Variants in SH3BP5 observed in about 807,000 individuals in gnomAD.
The protein encoded by SH3BP5 is SH3 domain binding protein 5, also known as SH3 domain-binding protein 5.
A neutral mutation model predicts 43.3 loss-of-function variants in SH3BP5; 22 were observed. That is an observed-to-expected ratio of 0.51 (90% CI 0.36 to 0.73). SH3BP5 has a LOEUF of 0.73. Among genes scored for constraint, SH3BP5 ranks in the 30% least tolerant of loss-of-function variants. SH3BP5 has a pLI of 0.00. For synonymous variants in SH3BP5, 255 were observed against 225.8 expected (o/e 1.13, Z -1.16); for missense variants, 529 against 586.9 (o/e 0.90, Z 1.02).
In SH3BP5 at chr3:15,256,834, T is replaced by C; in HGVS notation, c.1150+19A>G. On this transcript the variant is annotated intron_variant, in intron 8 of 8. Coordinates refer to ENST00000383791, the MANE Select transcript of SH3BP5 (RefSeq NM_004844.5). ...AGGCAGTGTGGCATCTGGGACGGGG[T>C]GAGAAGGCTGCTACTCACCTCGTTC... 6.3e-7 allele frequency: 1 copy of C among 1,591,066 alleles called. No individual in the cohort carries two copies. Among genetic ancestry groups the C allele is most frequent in the Non-Finnish European group, 8.6e-7 (1 of 1,164,772 alleles).
At chr3:15,281,896 C>T (rs1033598951) in intron 3 of SH3BP5, among the ~76,000 whole-genome samples, 1 of 152,074 alleles carries the variant, frequency 6.6e-6, no homozygotes, top group African/African-American at 2.4e-5. Context: ...CCCAGCTACT[C>T]AGGAGGCTGA....
chr3:15,256,376 T>G (rs890241761), intron 8 of SH3BP5, 73 bp from the exon 9 acceptor site: 2 of 1,471,468 alleles, frequency 1.4e-6, no homozygotes, highest in Admixed American at 1.8e-5. Flanking sequence ...ATACAAAGAT[T>G]ATCAAAAGTG....
intron 1 of SH3BP5, 101 bp from the exon 2 acceptor site, chr3:15,330,667 C>A: frequency 7.2e-7 from 1 of 1,392,164 alleles, no homozygotes; most frequent in Non-Finnish European, 9.4e-7. Flanking sequence ...GCCCAATTTG[C>A]AGGAAAAGGG....
At chr3:15,298,039 C>T (rs1407338871) in intron 3 of SH3BP5, among the ~76,000 whole-genome samples, 1 of 149,526 alleles carries the variant, frequency 6.7e-6, no homozygotes, top group African/African-American at 2.5e-5. Flanking sequence ...TGCAGTAGCA[C>T]AATCATAACT....
chr3:15,263,242 C>T (rs1001691195), intron 4 of SH3BP5, among the ~76,000 whole-genome samples: 12 of 152,184 alleles, frequency 7.9e-5, no homozygotes, highest in African/African-American at 1.4e-4. Context: ...GACCTCCTCC[C>T]GTTCACACCT....
At chr3:15,294,734 CA>C (rs1443816736) in intron 3 of SH3BP5, among the ~76,000 whole-genome samples, 1 of 152,104 alleles carries the variant, frequency 6.6e-6, no homozygotes, top group Admixed American at 6.5e-5. Context: ...ATGGAGCTGC[CA>C]TTAATGTAAG....
chr3:15,285,670 G>A (rs753370604), intron 3 of SH3BP5, among the ~76,000 whole-genome samples: 6 of 152,326 alleles, frequency 3.9e-5, no homozygotes, highest in African/African-American at 4.8e-5. Flanking sequence ...TGAAGGCACC[G>A]TGAGTCCTCA....
Position 15,256,839 on chromosome 3 carries a change from A to G in SH3BP5, c.1150+14T>C, listed in dbSNP as rs73144045. Reference sequence around the variant, plus strand: ...GTGTGGCATCTGGGACGGGGTGAGAAGGCTGCTACTCACCTCGTTCTACTT... The same window carrying G: ...GTGTGGCATCTGGGACGGGGTGAGAGGGCTGCTACTCACCTCGTTCTACTT... On this transcript the variant is annotated intron_variant, in intron 8 of 8. Transcript: ENST00000383791. 8.9e-3 allele frequency: 14,237 copies of G among 1,596,890 alleles called. 1,065 individuals carry two copies. In the African/African-American group the frequency reaches 0.16, roughly 18 times the overall value.
intron 3 of SH3BP5, among the ~76,000 whole-genome samples, chr3:15,287,596 A>T (rs1162718144): frequency 1.3e-5 from 2 of 152,166 alleles, no homozygotes; most frequent in East Asian, 3.8e-4. Context: ...TGAATCAATG[A>T]ATTTTTGGTT....
intron 3 of SH3BP5, among the ~76,000 whole-genome samples, chr3:15,280,684 C>T (rs763038939): frequency 2.0e-5 from 3 of 152,160 alleles, no homozygotes; most frequent in Non-Finnish European, 4.4e-5. Context: ...TGCCCCACCT[C>T]TTAATTCTTC....
At position 15,269,605 on chromosome 3, in the gene SH3BP5, G is replaced by C. The variant is rs191521751; in HGVS notation, c.495+108C>G. The C allele has an allele frequency of 1.3e-4, 156 of 1,194,198 alleles. 1 individual carries two copies. The African/African-American group carries it at 2.3e-3, about 17-fold the overall frequency. The allele number at this position is 1,194,198 out of a possible 1,614,324, so 74.0% of individuals were successfully genotyped here. On this transcript the variant is annotated intron_variant, in intron 4 of 8. Transcript: ENST00000383791. The stretch of plus-strand genomic sequence containing the variant: ...GAGATGACAACCTGTGATTTTCAGG[G>C]TGTTTTCAGGCAACATGCCTGGGAG...
chr3:15,290,962 G>A (rs1055060338), intron 3 of SH3BP5, among the ~76,000 whole-genome samples: 1 of 152,148 alleles, frequency 6.6e-6, no homozygotes, highest in African/African-American at 2.4e-5. Context: ...ACACAGCTGA[G>A]GAACCCACAT....
chr3:15,323,696 C>A (rs568010708), intron 2 of SH3BP5, among the ~76,000 whole-genome samples: 58 of 152,300 alleles, frequency 3.8e-4, no homozygotes, highest in African/African-American at 1.4e-3. Flanking sequence ...CTCCACCTGC[C>A]CTTCCCCACG....
chr3:15,283,680 CAG>C (rs1352696239), intron 3 of SH3BP5, among the ~76,000 whole-genome samples: 1 of 152,216 alleles, frequency 6.6e-6, no homozygotes, highest in Non-Finnish European at 1.5e-5. Context: ...CTGTCCCTAG[CAG>C]AGACAGAAAA....
intron 3 of SH3BP5, among the ~76,000 whole-genome samples, chr3:15,298,469 T>G (rs780057722): frequency 6.6e-6 from 1 of 152,220 alleles, no homozygotes; most frequent in Non-Finnish European, 1.5e-5. Flanking sequence ...CTTTCAGCAC[T>G]AAATAATCCG....
intron 3 of SH3BP5, among the ~76,000 whole-genome samples, chr3:15,294,077 C>CAAAAAA (rs111324706): frequency 8.5e-5 from 6 of 70,868 alleles, no homozygotes; most frequent in Non-Finnish European, 1.3e-4. Context: ...GTCTCCATCT[C>CAAAAAA]AAAAAAAAAA....
chr3:15,331,532 C>A (rs2124830190), intron 1 of SH3BP5, among the ~76,000 whole-genome samples: 1 of 152,298 alleles, frequency 6.6e-6, no homozygotes, highest in Middle Eastern at 3.4e-3. Context: ...TAGATCTCGG[C>A]TTGGAAATTG....
Position 15,269,853 on chromosome 3 carries a change from T to C in SH3BP5, c.355A>G (p.Thr119Ala). 6.4e-7 allele frequency: 1 copy of C among 1,566,484 alleles called. No individual in the cohort carries two copies. The highest frequency in any genetic ancestry group is 8.7e-7 in the Non-Finnish European group (1 of 1,152,004). ...TCTGTGGCCCTCTGGAAGTCCTGCG[T>C]GGCTTTCTGAGCTTCCAGCTGAGCC... Reference protein sequence around the residue: ...RQAQLEAQKATQDFQRATEVL... With the variant: ...RQAQLEAQKAAQDFQRATEVL... Residue 119 changes from threonine to alanine, a missense_variant, in exon 4 of 9, where the codon ACG becomes GCG. Transcript: ENST00000383791.
rs545946466 is a variant in SH3BP5 at position 15,259,675 on chromosome 3, C to T, written c.669+86G>A. ...TCCACTTTCCCCTTATAGCAAGTGG[C>T]CCATGTGATACTCTGCTACCCCAGA... On this transcript the variant is annotated intron_variant, in intron 6 of 8. Coordinates refer to ENST00000383791, the MANE Select transcript of SH3BP5 (RefSeq NM_004844.5). 38 of 1,206,368 alleles carry T rather than the reference C, an allele frequency of 3.1e-5. No individual in the cohort carries two copies. In the African/African-American group the frequency reaches 4.9e-4, roughly 16 times the overall value. The allele number at this position is 1,206,368 out of a possible 1,614,324, so 74.7% of individuals were successfully genotyped here.
Sources: gnomAD v4.1 joint callset for allele counts (sites outside exome capture counted in the v4.1 genomes callset) on GRCh38, gnomAD v4.1.1 for gene constraint, MANE v1.5 for transcripts, NCBI Gene and HGNC (gene_info 2026-07-23, HGNC 2026-07-21) for gene names.